Variants in ESCO2 observed in about 807,000 individuals in gnomAD.
ESCO2 encodes establishment of sister chromatid cohesion N-acetyltransferase 2.
A neutral mutation model predicts 61.7 loss-of-function variants in ESCO2; 51 were observed. The ratio of observed to expected loss-of-function variants is 0.83; its 90% confidence interval spans 0.66 to 1.04. ESCO2 has a LOEUF of 1.04. Ranked by LOEUF, ESCO2 falls within the 50% of genes least tolerant of loss-of-function variation. The probability of loss-of-function intolerance (pLI) is 0.00; values close to 1 mark genes in which losing one functional copy is unlikely to be tolerated. For missense variants in ESCO2, 692 were observed against 686.2 expected (o/e 1.01, Z -0.09); for synonymous variants, 230 against 238.2 (o/e 0.97, Z 0.32).
At chr8:27,813,308 G>A (rs573099843), downstream of ESCO2, among the ~76,000 whole-genome samples, 208 of 152,202 alleles carry the variant, frequency 1.4e-3, 2 homozygotes, top group African/African-American at 4.7e-3. Flanking sequence ...TCACACCCTG[G>A]GGCCTGTCAT....
At chr8:27,810,335 G>A (rs775781182), downstream of ESCO2, 1 of 1,612,296 alleles carries the variant, frequency 6.2e-7, no homozygotes, top group Non-Finnish European at 8.5e-7. Flanking sequence ...CTTCAACAAT[G>A]TGTGCAGCAG....
chr8:27,810,228 AACT>A (rs1805644531), downstream of ESCO2: 2 of 974,054 alleles, frequency 2.1e-6, no homozygotes, highest in Non-Finnish European at 3.2e-6. Flanking sequence ...AGAGTCTAAT[AACT>A]ACTGATAGTA....
chr8:27,802,215 C>T (rs1805445961), intron 10 of ESCO2, among the ~76,000 whole-genome samples: 1 of 150,738 alleles, frequency 6.6e-6, no homozygotes, highest in African/African-American at 2.4e-5. Context: ...TACTTTTAAT[C>T]CTAAGGTAAG....
upstream of ESCO2, among the ~76,000 whole-genome samples, chr8:27,774,225 G>A (rs1804725086): frequency 6.6e-6 from 1 of 152,040 alleles, no homozygotes; most frequent in African/African-American, 2.4e-5. Context: ...TCGCCAGGCT[G>A]GAGAGGCCAT....
At chr8:27,818,830 AAGAACTATTTATCTAC>A in the ESCO2 span, among the ~76,000 whole-genome samples, 1 of 152,118 alleles carries the variant, frequency 6.6e-6, no homozygotes, top group Non-Finnish European at 1.5e-5. Flanking sequence ...GCCAACATTA[AAGAACTATTTATCTAC>A]AATTTTTTCT....
intron 3 of ESCO2, chr8:27,779,793 C>A (rs1804881401): frequency 4.8e-6 from 1 of 208,598 alleles, no homozygotes; most frequent in African/African-American, 2.4e-5. Flanking sequence ...GCCTCAGCCT[C>A]CCGAGTAGCT....
rs751598639 is a variant in ESCO2, at chr8:27,799,702, G to C, written c.1659G>C (p.Leu553=). The part of the protein sequence containing the change: ...LKRRKRIARR[L]VDTLRNCFMF... ...GAAGAAAGCGCATTGCAAGACGACT[G>C]GTTGATACCCTCAGGTAAGAAATAA... The change falls in exon 10 of 11, where the codon CTG becomes CTC. Residue 553 remains leucine, a synonymous_variant. Coordinates refer to ENST00000305188, the MANE Select transcript of ESCO2 (RefSeq NM_001017420.3). 6.2e-7 allele frequency: 1 copy of C among 1,613,778 alleles called. No homozygotes were observed. Among genetic ancestry groups the C allele is most frequent in the Non-Finnish European group, 8.5e-7 (1 of 1,179,968 alleles).
upstream of ESCO2, chr8:27,772,603 G>T: frequency 5.3e-6 from 8 of 1,506,584 alleles, no homozygotes; most frequent in Non-Finnish European, 7.2e-6. Context: ...CGAAGCTCAG[G>T]ATACCAGACT....
At chr8:27,808,128 A>T, downstream of ESCO2, 1 of 605,532 alleles carries the variant, frequency 1.7e-6, no homozygotes. Context: ...ATTTTTTTAT[A>T]TATAGTTTTT....
rs1804970972 is a variant in ESCO2, at chr8:27,783,566, TA to T, written c.956-433del. On this transcript the variant is annotated intron_variant, in intron 4 of 10. Coordinates refer to ENST00000305188, the MANE Select transcript of ESCO2 (RefSeq NM_001017420.3). ...CAAGTTCATGAAGATTTTTCCCTAA[TA>T]TTTTTTCTAGACATTTTATAGTTTT... Among the ~76,000 whole-genome samples the T allele has an allele frequency of 2.0e-5, 3 of 152,196 alleles. No individual in the cohort carries two copies. In the South Asian group the frequency reaches 6.2e-4, roughly 32 times the overall value.
chr8:27,772,460 GGCTT>G, upstream of ESCO2: 1 of 1,538,542 alleles, frequency 6.5e-7, no homozygotes, highest in Non-Finnish European at 8.8e-7. Flanking sequence ...TGCGGGTCCC[GGCTT>G]CGGAGCCCGC....
upstream of ESCO2, chr8:27,773,537 T>TG (rs1804705538): frequency 1.0e-5 from 1 of 100,040 alleles, no homozygotes; most frequent in Non-Finnish European, 2.1e-5. Context: ...AACTCTACAT[T>TG]CTTTTTTTTT....
intron 1 of ESCO2, 118 bp from the exon 2 acceptor site, chr8:27,775,381 A>G: frequency 2.3e-6 from 2 of 888,448 alleles, no homozygotes; most frequent in Non-Finnish European, 3.8e-6. Context: ...ATGTCGAGGA[A>G]GACCTCCCAG....
chr8:27,772,567 A>G, upstream of ESCO2: 1 of 1,548,036 alleles, frequency 6.5e-7, no homozygotes, highest in Non-Finnish European at 8.7e-7. Flanking sequence ...CGGTGACTCC[A>G]CCGCGGAGCA....
downstream of ESCO2, among the ~76,000 whole-genome samples, chr8:27,817,198 A>C (rs1805834666): frequency 6.6e-6 from 1 of 152,162 alleles, no homozygotes; most frequent in Non-Finnish European, 1.5e-5. Flanking sequence ...ATTTTTAGTG[A>C]GAAAGCCAGA....
At position 27,779,985 on chromosome 8, in the gene ESCO2, A is replaced by G. The variant is rs142689360; in HGVS notation, c.862-189A>G. ...CTGCTGTACTCTGGCTTTAAAGGTA[A>G]TGTACGCTTAGTGAATACAGGGGAA... On this transcript the variant is annotated intron_variant, in intron 3 of 10. Coordinates refer to ENST00000305188, the MANE Select transcript of ESCO2 (RefSeq NM_001017420.3). 1.3e-3 allele frequency: 682 copies of G among 541,874 alleles called. 1 individual carries two copies. Among genetic ancestry groups the G allele is most frequent in the African/African-American group, 0.012 (608 of 52,468 alleles). 33.6% of individuals were successfully genotyped at this position (541,874 alleles called of 1,614,324 possible). A position where few individuals can be genotyped will look rare whatever the true frequency, so the allele number is the denominator to read the frequency against.
intron 3 of ESCO2, chr8:27,778,503 T>C (rs546179394): frequency 6.6e-6 from 1 of 152,360 alleles, no homozygotes; most frequent in African/African-American, 2.4e-5. Context: ...TGTATTAAAC[T>C]GTGCTTTATA....
chr8:27,772,183 T>C, upstream of ESCO2: 1 of 437,914 alleles, frequency 2.3e-6, no homozygotes, highest in South Asian at 3.3e-5. Context: ...GGAAGAAGAC[T>C]TGGGATAAGG....
chr8:27,783,068 C>T (rs150280074), intron 4 of ESCO2, among the ~76,000 whole-genome samples: 3 of 152,028 alleles, frequency 2.0e-5, no homozygotes, highest in Admixed American at 6.6e-5. Flanking sequence ...TATAGAATTA[C>T]GTATTAGCCA....
Sources: gnomAD v4.1 joint callset for allele counts (sites outside exome capture counted in the v4.1 genomes callset) on GRCh38, gnomAD v4.1.1 for gene constraint, MANE v1.5 for transcripts, NCBI Gene and HGNC (gene_info 2026-07-23, HGNC 2026-07-21) for gene names.